TRPV4: variants seen among roughly 807,000 people sequenced by gnomAD.
The protein encoded by TRPV4 is transient receptor potential cation channel subfamily V member 4.
A neutral mutation model predicts 84.1 loss-of-function variants in TRPV4; 58 were observed. That is an observed-to-expected ratio of 0.69 (90% CI 0.56 to 0.86). TRPV4 has a LOEUF of 0.86. TRPV4 is among the 40% of genes least tolerant of loss of function. TRPV4 has a pLI of 0.00. For synonymous variants in TRPV4, 489 were observed against 500.9 expected (o/e 0.98, Z 0.32); for missense variants, 879 against 1,181.1 (o/e 0.74, Z 3.75).
intron 5 of TRPV4, among the ~76,000 whole-genome samples, chr12:109,799,307 C>T (rs754303711): frequency 6.6e-6 from 1 of 152,116 alleles, no homozygotes; most frequent in Non-Finnish European, 1.5e-5. Flanking sequence ...CGCCACCACA[C>T]CTGGCTAATT....
In TRPV4 at chr12:109,831,875, G is replaced by A. The variant is rs191481224; in HGVS notation, c.-32+1475C>T. Among the ~76,000 whole-genome samples, 122 of 152,322 alleles carry A rather than the reference G, an allele frequency of 8.0e-4. No individual in the cohort carries two copies. In the Middle Eastern group the frequency reaches 0.027, roughly 34 times the overall value. On this transcript the variant is annotated intron_variant, in intron 1 of 15. Transcript: ENST00000261740. ...CATTTGTGTCTGGGACCCCTTCCGCGTGCAATTCACCAATCAAGGTGGGTG... is the reference window on the plus strand; with the variant it reads ...CATTTGTGTCTGGGACCCCTTCCGCATGCAATTCACCAATCAAGGTGGGTG...
intron 1 of TRPV4, among the ~76,000 whole-genome samples, chr12:109,828,880 G>A (rs894925869): frequency 1.3e-4 from 20 of 152,174 alleles, no homozygotes. Context: ...ACCCCCGGCA[G>A]TGGGGAAGCT....
rs200083069 is a variant in TRPV4, at chr12:109,793,512, G to A, written c.1658+15C>T. On this transcript the variant is annotated intron_variant, in intron 10 of 15. Transcript: ENST00000261740. The surrounding 1 kb of genome is among the most constrained non-coding windows in gnomAD (Gnocchi z 4.0). ...TCCTCACCCAGAAGCTGCCGGCCCAGGGACCTCTACTCACTAGAGCAGCTG... is the reference window on the plus strand; with the variant it reads ...TCCTCACCCAGAAGCTGCCGGCCCAAGGACCTCTACTCACTAGAGCAGCTG... 1.6e-4 allele frequency: 250 copies of A among 1,611,888 alleles called. 2 individuals are homozygous for A. The highest frequency in any genetic ancestry group is 5.0e-4 in the Middle Eastern group (3 of 6,046).
At chr12:109,802,431 A>C (rs1366183435) in intron 4 of TRPV4, among the ~76,000 whole-genome samples, 1 of 151,286 alleles carries the variant, frequency 6.6e-6, no homozygotes, top group East Asian at 1.9e-4. Context: ...CCTCCCAAGT[A>C]GCTGAGATTA....
rs534110765 is a variant in TRPV4, at chr12:109,814,187, T to C, written c.386+224A>G. ...ATTGATGGATAGATGTGTGGATGGTTGGATGGATGGACGAATAGATGGGTG... is the reference window on the plus strand; with the variant it reads ...ATTGATGGATAGATGTGTGGATGGTCGGATGGATGGACGAATAGATGGGTG... On this transcript the variant is annotated intron_variant, in intron 2 of 15. Transcript: ENST00000261740. The surrounding 1 kb of genome is among the most constrained non-coding windows in gnomAD (Gnocchi z 5.4). Among the ~76,000 whole-genome samples, 85 of 150,420 alleles carry C rather than the reference T, an allele frequency of 5.7e-4. No individual in the cohort carries two copies. The highest frequency in any genetic ancestry group is 2.0e-3 in the African/African-American group (80 of 40,766).
At chr12:109,789,161 G>A (rs1889884850) in intron 12 of TRPV4, among the ~76,000 whole-genome samples, 1 of 152,142 alleles carries the variant, frequency 6.6e-6, no homozygotes, top group African/African-American at 2.4e-5. Context: ...CTAGTCCAGG[G>A]AGGGTCTCAG....
chr12:109,784,464 G>T, intron 14 of TRPV4, 27 bp from the exon 15 acceptor site: 1 of 1,614,066 alleles, frequency 6.2e-7, no homozygotes, highest in Non-Finnish European at 8.5e-7. Context: ...AGAGGGTCAT[G>T]GGGAACCCCT....
At chr12:109,784,860 C>CGTGTGTGTGT (rs58584964) in intron 14 of TRPV4, among the ~76,000 whole-genome samples, 154 of 123,796 alleles carry the variant, frequency 1.2e-3, no homozygotes, top group African/African-American at 4.5e-3. Flanking sequence ...AAAAAAAAGA[C>CGTGTGTGTGT]GTGTGTGTGT....
Position 109,783,426 on chromosome 12 carries a change from T to A in TRPV4, c.*195A>T. 1 of 654,714 alleles carries A rather than the reference T, an allele frequency of 1.5e-6. No individual in the cohort carries two copies. The highest frequency in any genetic ancestry group is 2.5e-6 in the Non-Finnish European group (1 of 395,242). 40.6% of individuals were successfully genotyped at this position (654,714 alleles called of 1,614,324 possible). A position where few individuals can be genotyped will look rare whatever the true frequency, so the allele number is the denominator to read the frequency against. ...TGTGACTCCATAGGAGCAAGACAGG[T>A]GGCCGGGAGCCCCCACCCCAGGGTG... On this transcript the variant is annotated 3_prime_UTR_variant, in exon 16 of 16. Coordinates refer to ENST00000261740, the MANE Select transcript of TRPV4 (RefSeq NM_021625.5). This position sits in a 1 kb window ranked among gnomAD's most constrained non-coding sequence, Gnocchi z 4.6.
intron 1 of TRPV4, among the ~76,000 whole-genome samples, chr12:109,823,676 G>A (rs1892172409): frequency 6.6e-6 from 1 of 152,018 alleles, no homozygotes; most frequent in Non-Finnish European, 1.5e-5. Context: ...ACTGCTAATG[G>A]GTACAGAGTC....
chr12:109,800,857 G>A, intron 4 of TRPV4, 99 bp from the exon 5 acceptor site: 6 of 970,124 alleles, frequency 6.2e-6, no homozygotes, highest in East Asian at 3.0e-5. Flanking sequence ...AAATTGGGGG[G>A]TGGGGGATGC....
At position 109,808,318 on chromosome 12, in the gene TRPV4, G is replaced by T; in HGVS notation, c.537C>A (p.Arg179=). The T allele has an allele frequency of 6.2e-7, 1 of 1,614,216 alleles. No individual in the cohort carries two copies. Among genetic ancestry groups the T allele is most frequent in the Non-Finnish European group, 8.5e-7 (1 of 1,180,034 alleles). ...LLPFLLTHKK[R]LTDEEFREPS... Reference sequence around the variant, plus strand: ...CACCTCGAAACTCCTCATCAGTTAGGCGTTTCTTGTGGGTCAGCAAGAATG... The same window carrying T: ...CACCTCGAAACTCCTCATCAGTTAGTCGTTTCTTGTGGGTCAGCAAGAATG... Residue 179 remains arginine (R), a synonymous_variant, in exon 3 of 16, where the codon CGC becomes CGA. Coordinates refer to ENST00000261740, the MANE Select transcript of TRPV4 (RefSeq NM_021625.5).
rs1890915476 is a variant in TRPV4 at position 109,803,129 on chromosome 12, T to C, written c.574A>G (p.Lys192Glu). 3 of 1,613,920 alleles carry C rather than the reference T, an allele frequency of 1.9e-6. No individual in the cohort carries two copies. In the African/African-American group the frequency reaches 4.0e-5, roughly 22 times the overall value. ...AGCAAGGCCTTGGGCAGGCAGGTCT[T>C]CCCCGTAGATGGCTCTAGCAAGAGA... ...DEEFREPSTG[K>E]TCLPKALLNL... The change falls in exon 4 of 16, where the codon AAG (lysine) becomes GAG (glutamate). Residue 192 changes from lysine (K) to glutamate (E), a missense_variant. Coordinates refer to ENST00000261740, the MANE Select transcript of TRPV4 (RefSeq NM_021625.5).
intron 3 of TRPV4, among the ~76,000 whole-genome samples, chr12:109,804,888 C>T (rs1384444783): frequency 2.0e-5 from 3 of 152,206 alleles, no homozygotes; most frequent in African/African-American, 4.8e-5. Flanking sequence ...CAATAGACCA[C>T]GGTGAACTAC....
chr12:109,830,965 C>G (rs977497630), intron 1 of TRPV4, among the ~76,000 whole-genome samples: 3 of 152,190 alleles, frequency 2.0e-5, no homozygotes, highest in Non-Finnish European at 4.4e-5. Context: ...GGATGACTTC[C>G]CCAGCCTTGG....
rs1178446205 is a variant in TRPV4, at chr12:109,798,199, G to A, written c.1152+415C>T. ...CGGTCCCCACCACAAAGAGCCTGCC[G>A]CCCAAAATAATCATGCTGAAGTTGA... is the stretch of plus-strand genomic sequence containing the variant. On this transcript the variant is annotated intron_variant, in intron 6 of 15. Coordinates refer to ENST00000261740, the MANE Select transcript of TRPV4 (RefSeq NM_021625.5). This position sits in a 1 kb window ranked among gnomAD's most constrained non-coding sequence, Gnocchi z 5.0. Among the ~76,000 whole-genome samples, 5 of 152,156 alleles carry A rather than the reference G, an allele frequency of 3.3e-5. No homozygotes were observed. The highest frequency in any genetic ancestry group is 7.3e-5 in the Non-Finnish European group (5 of 68,040).
Position 109,783,348 on chromosome 12 carries a change from A to G in TRPV4, c.*273T>C. On this transcript the variant is annotated 3_prime_UTR_variant, in exon 16 of 16. Transcript: ENST00000261740. The surrounding 1 kb of genome is among the most constrained non-coding windows in gnomAD (Gnocchi z 4.6). ...CTTCCTGAGAGCAGAGCAAATAAAT[A>G]ATGGAGAGGCAGGGGCTGGGGCCTG... The G allele has an allele frequency of 2.2e-6, 1 of 446,358 alleles. No homozygotes were observed. The highest frequency in any genetic ancestry group is 3.9e-5 in the Admixed American group (1 of 25,544). 27.6% of individuals were successfully genotyped at this position (446,358 alleles called of 1,614,324 possible).
Position 109,783,448 on chromosome 12 carries a change from G to A in TRPV4, c.*173C>T, listed in dbSNP as rs1239538491. On this transcript the variant is annotated 3_prime_UTR_variant, in exon 16 of 16. Coordinates refer to ENST00000261740, the MANE Select transcript of TRPV4 (RefSeq NM_021625.5). This position sits in a 1 kb window ranked among gnomAD's most constrained non-coding sequence, Gnocchi z 4.6. ...AGGTGGCCGGGAGCCCCCACCCCAG[G>A]GTGGGGAGGCAGAGCCAGGGGACCA... The A allele has an allele frequency of 1.1e-5, 9 of 847,530 alleles. No homozygotes were observed. In the East Asian group the frequency reaches 2.5e-4, roughly 23 times the overall value. 52.5% of individuals were successfully genotyped at this position (847,530 alleles called of 1,614,324 possible).
At position 109,794,013 on chromosome 12, in the gene TRPV4, G is replaced by A; in HGVS notation, c.1501C>T (p.Pro501Ser). ...YQPLEGTPPYPYRTTVDYLRL... is the reference protein window; with the variant it reads ...YQPLEGTPPYSYRTTVDYLRL... Reference sequence around the variant, plus strand: ...AGGTAGTCCACCGTGGTGCGGTAAGGGTACGGCGGCTGGGGAGCAGCAAGG... The same window carrying A: ...AGGTAGTCCACCGTGGTGCGGTAAGAGTACGGCGGCTGGGGAGCAGCAAGG... The change falls in exon 9 of 16, where the codon CCT (proline) becomes TCT (serine). Residue 501 changes from proline to serine, a missense_variant. Pro to Ser is a moderately conservative substitution (Grantham distance 74). Transcript: ENST00000261740. 1.9e-6 allele frequency: 3 copies of A among 1,605,830 alleles called. No individual in the cohort carries two copies. The highest frequency in any genetic ancestry group is 1.7e-6 in the Non-Finnish European group (2 of 1,177,510).
Sources: allele counts gnomAD v4.1 joint callset (sites outside exome capture counted in the v4.1 genomes callset), GRCh38; gene constraint gnomAD v4.1.1; non-coding constraint Gnocchi (gnomAD v3.1); transcripts MANE v1.5; gene names NCBI Gene and HGNC (gene_info 2026-07-23, HGNC 2026-07-21).